The following PRKCE variants were observed in gnomAD, a reference collection of about 807,000 sequenced individuals.
PRKCE encodes the protein protein kinase C epsilon type.
Under a neutral mutation model 85.4 loss-of-function variants are expected in PRKCE, and 16 were observed. That is an observed-to-expected ratio of 0.19 (90% CI 0.13 to 0.28). PRKCE has a LOEUF of 0.28. PRKCE is among the 10% of genes least tolerant of loss of function. The probability of loss-of-function intolerance (pLI) is 1.00; values close to 1 mark genes in which losing one functional copy is unlikely to be tolerated. For missense variants in PRKCE, 573 were observed against 975.2 expected (o/e 0.59, Z 5.49); for synonymous variants, 388 against 371.5 (o/e 1.04, Z -0.51).
intron 2 of PRKCE, among the ~76,000 whole-genome samples, chr2:45,865,840 C>T (rs1176417085): frequency 1.0e-4 from 13 of 124,690 alleles, no homozygotes; most frequent in East Asian, 2.3e-4. Context: ...TTTTTTGAGA[C>T]GAGTTCTCAC....
intron 2 of PRKCE, among the ~76,000 whole-genome samples, chr2:45,862,133 A>G (rs933206471): frequency 1.3e-5 from 2 of 151,436 alleles, no homozygotes; most frequent in African/African-American, 4.9e-5. Flanking sequence ...TGCCCTGGAG[A>G]ATGGTCTTAG....
chr2:45,667,716 G>C (rs917808836), intron 1 of PRKCE, among the ~76,000 whole-genome samples: 1 of 152,000 alleles, frequency 6.6e-6, no homozygotes, highest in African/African-American at 2.4e-5. Context: ...TAAAAAAATA[G>C]GGCAGAAAGT....
intron 2 of PRKCE, among the ~76,000 whole-genome samples, chr2:45,870,005 C>T (rs1379018362): frequency 1.3e-5 from 2 of 152,100 alleles, no homozygotes; most frequent in Non-Finnish European, 2.9e-5. Flanking sequence ...TGCGCCCGGC[C>T]CCATTACATT....
chr2:46,060,408 A>G (rs1163113412), intron 10 of PRKCE, among the ~76,000 whole-genome samples: 3 of 152,136 alleles, frequency 2.0e-5, no homozygotes, highest in Non-Finnish European at 4.4e-5. Context: ...TCGTGATGAC[A>G]CCGGAGGCAG....
chr2:45,878,905 CT>C lies in PRKCE; in HGVS notation c.412+35843del, dbSNP rs765467571. On this transcript the variant is annotated intron_variant, in intron 2 of 14. Transcript: ENST00000306156. ...TGCTTTTTTAAAATCAACTTTCTCT[CT>C]GTGGATTTGCCTATTGTAGACATCT... 4.5e-4 allele frequency among the ~76,000 whole-genome samples: 68 copies of C among 152,284 alleles called. No individual in the cohort carries two copies. The Middle Eastern group carries it at 0.01, about 23-fold the overall frequency.
Position 45,744,336 on chromosome 2 carries a change from C to T in PRKCE, c.348+91888C>T, listed in dbSNP as rs768293059. Among the ~76,000 whole-genome samples the T allele has an allele frequency of 2.6e-5, 4 of 152,216 alleles. No homozygotes were observed. The East Asian group carries it at 5.8e-4, about 22-fold the overall frequency. ...TCCTAGAGAAGGCAATGTTTTTCTC[C>T]GAATTCTGGCCACACATCAGAATCA... On this transcript the variant is annotated intron_variant, in intron 1 of 14. Transcript: ENST00000306156.
chr2:45,911,027 T>C (rs1697344842), intron 2 of PRKCE, among the ~76,000 whole-genome samples: 1 of 152,172 alleles, frequency 6.6e-6, no homozygotes, highest in Non-Finnish European at 1.5e-5. Context: ...GAACCACTAC[T>C]CACGGGCTTT....
chr2:45,888,048 C>T (rs982329767), intron 2 of PRKCE, among the ~76,000 whole-genome samples: 1 of 152,162 alleles, frequency 6.6e-6, no homozygotes, highest in Admixed American at 6.5e-5. Context: ...AGAAATGGAC[C>T]TAGATTTCCA....
At chr2:45,764,455 A>G (rs1000530099) in intron 1 of PRKCE, among the ~76,000 whole-genome samples, 3 of 152,246 alleles carry the variant, frequency 2.0e-5, no homozygotes, top group Admixed American at 6.5e-5. Context: ...TTAATCTTCT[A>G]ACTGGCTTCT....
At chr2:45,656,902 A>G (rs1675404786) in intron 1 of PRKCE, among the ~76,000 whole-genome samples, 1 of 152,266 alleles carries the variant, frequency 6.6e-6, no homozygotes, top group African/African-American at 2.4e-5. Flanking sequence ...TAATTTTTAA[A>G]GAAAGATTTA....
In PRKCE at chr2:45,751,345, A is replaced by G. The variant is rs150478440; in HGVS notation, c.349-91655A>G. On this transcript the variant is annotated intron_variant, in intron 1 of 14. Transcript: ENST00000306156. Reference sequence around the variant, plus strand: ...GGGTACCATCTGGTAATTGTTCAATATGTTATCACATCATTATATAATTAT... The same window carrying G: ...GGGTACCATCTGGTAATTGTTCAATGTGTTATCACATCATTATATAATTAT... Among the ~76,000 whole-genome samples, 198 of 152,372 alleles carry G rather than the reference A, an allele frequency of 1.3e-3. 2 individuals carry two copies. Among genetic ancestry groups the G allele is most frequent in the East Asian group, 8.1e-3 (42 of 5,194 alleles).
chr2:45,985,567 T>A (rs541291605), intron 6 of PRKCE, among the ~76,000 whole-genome samples: 1 of 152,172 alleles, frequency 6.6e-6, no homozygotes, highest in African/African-American at 2.4e-5. Context: ...AAGTAAAGTA[T>A]AAGAAAATAA....
chr2:46,063,433 G>C (rs1319389665), intron 10 of PRKCE, among the ~76,000 whole-genome samples: 1 of 151,834 alleles, frequency 6.6e-6, no homozygotes, highest in African/African-American at 2.4e-5. Context: ...TTCCTACTTG[G>C]TGTTTTTGTT....
intron 10 of PRKCE, among the ~76,000 whole-genome samples, chr2:46,043,908 T>C (rs1558387624): frequency 6.6e-6 from 1 of 152,236 alleles, no homozygotes; most frequent in Non-Finnish European, 1.5e-5. Context: ...TCAAAGCGGA[T>C]GCCGAATTCT....
rs534039030 is a variant in PRKCE, at chr2:45,988,891, C to G, written c.823+4211C>G. On this transcript the variant is annotated intron_variant, in intron 6 of 14. Coordinates refer to ENST00000306156, the MANE Select transcript of PRKCE (RefSeq NM_005400.3). The stretch of plus-strand genomic sequence containing the variant: ...TGGCACCATGGGCCTCTCTGGGGCC[C>G]TTTTCCACCTGTTTTATTTTCCCAT... Among the ~76,000 whole-genome samples the G allele has an allele frequency of 2.5e-4, 38 of 152,290 alleles. No individual in the cohort carries two copies. In the South Asian group the frequency reaches 7.3e-3, roughly 29 times the overall value.
chr2:45,878,278 G>A (rs1694622936), intron 2 of PRKCE, among the ~76,000 whole-genome samples: 3 of 152,218 alleles, frequency 2.0e-5, no homozygotes, highest in Admixed American at 2.0e-4. Context: ...GACCTGTTAT[G>A]AAGGCATCCT....
chr2:45,734,445 C>T (rs1243058148), intron 1 of PRKCE, among the ~76,000 whole-genome samples: 3 of 152,050 alleles, frequency 2.0e-5, no homozygotes, highest in Admixed American at 6.5e-5. Context: ...GCTTGCAGTC[C>T]TGAAAGACAG....
intron 10 of PRKCE, among the ~76,000 whole-genome samples, chr2:46,051,749 C>G (rs997547769): frequency 1.3e-5 from 2 of 152,158 alleles, no homozygotes; most frequent in African/African-American, 2.4e-5. Context: ...GTTCTCACAC[C>G]GCTATAAAGA....
chr2:45,931,266 G>A (rs1699023366), intron 2 of PRKCE, among the ~76,000 whole-genome samples: 1 of 152,204 alleles, frequency 6.6e-6, no homozygotes, highest in Non-Finnish European at 1.5e-5. Context: ...TGTGATTTAT[G>A]ACATGCCTGG....
Sources: gnomAD v4.1 joint callset for allele counts (sites outside exome capture counted in the v4.1 genomes callset) on GRCh38, gnomAD v4.1.1 for gene constraint, MANE v1.5 for transcripts, NCBI Gene and HGNC (gene_info 2026-07-23, HGNC 2026-07-21) for gene names.